The following TBL1Y variants were observed in gnomAD, a reference collection of about 807,000 sequenced individuals.
TBL1Y encodes F-box-like/WD repeat-containing protein TBL1Y.
TBL1Y carries 15 observed loss-of-function variants against 12.0 expected under a neutral mutation model. That is an observed-to-expected ratio of 1.25 (90% CI 0.83 to 1.92). The LOEUF is 1.92. TBL1Y is among the 40% of genes most tolerant of loss of function. The probability of loss-of-function intolerance (pLI) is 0.00; values close to 1 mark genes in which losing one functional copy is unlikely to be tolerated. For synonymous variants in TBL1Y, 53 were observed against 42.6 expected (o/e 1.24, Z -0.95); for missense variants, 148 against 116.7 (o/e 1.27, Z -1.24).
At chrY:7,004,248 G>A (rs902591177) in intron 4 of TBL1Y, among the ~76,000 whole-genome samples, 1 of 33,603 alleles carries the variant, frequency 3.0e-5, no homozygotes, top group African/African-American at 1.2e-4. Flanking sequence ...GACTGTACTG[G>A]GAAATACATC....
chrY:7,002,586 C>A, intron 4 of TBL1Y, among the ~76,000 whole-genome samples: 1 of 33,810 alleles, frequency 3.0e-5, no homozygotes, highest in Non-Finnish European at 7.3e-5. Context: ...AATTAAGGAA[C>A]CAGAGAGACC....
intron 2 of TBL1Y, among the ~76,000 whole-genome samples, chrY:6,923,751 T>A: frequency 3.1e-5 from 1 of 32,494 alleles, no homozygotes; most frequent in African/African-American, 1.2e-4. Flanking sequence ...TCTCCTGACC[T>A]AGTGATCCAC....
intron 13 of TBL1Y, among the ~76,000 whole-genome samples, chrY:7,074,846 T>C (rs1285899048): frequency 2.9e-4 from 9 of 30,721 alleles, no homozygotes; most frequent in Non-Finnish European, 7.0e-4. Context: ...TGGGACGGGA[T>C]GGGTTGGGAC....
chrY:7,037,704 G>C (rs2124159873), intron 6 of TBL1Y, among the ~76,000 whole-genome samples: 1 of 34,000 alleles, frequency 2.9e-5, no homozygotes, highest in African/African-American at 1.1e-4. Flanking sequence ...ACAATCACTG[G>C]GCCAAACTTG....
In TBL1Y at chrY:7,091,659, A is replaced by G; in HGVS notation, c.*167A>G. ...AACTTGTCCCAGGCCACAGGAGTGT[A>G]TATGTTTCATAATCTTTATCAAGAA... On this transcript the variant is annotated 3_prime_UTR_variant, in exon 19 of 19. Transcript: ENST00000383032. 1.0e-5 allele frequency: 1 copy of G among 96,911 alleles called. No homozygotes were observed. Among genetic ancestry groups the G allele is most frequent in the Non-Finnish European group, 1.9e-5 (1 of 52,728 alleles). 24.2% of individuals were successfully genotyped at this position (96,911 alleles called of 400,897 possible). A position where few individuals can be genotyped will look rare whatever the true frequency, so the allele number is the denominator to read the frequency against.
chrY:7,024,099 A>G (rs79179126), intron 5 of TBL1Y, among the ~76,000 whole-genome samples: 1 of 33,711 alleles, frequency 3.0e-5, no homozygotes, highest in African/African-American at 1.2e-4. Flanking sequence ...TTATGGCTGC[A>G]TAGTATTTCA....
chrY:7,086,255 G>A, intron 15 of TBL1Y, 35 bp from the exon 16 acceptor site: 7 of 387,787 alleles, frequency 1.8e-5, no homozygotes, highest in South Asian at 3.0e-5. Context: ...TGCAGGAATG[G>A]CTTTTGCTCA....
At chrY:6,945,394 C>G (rs1386404302) in intron 2 of TBL1Y, among the ~76,000 whole-genome samples, 3 of 30,917 alleles carry the variant, frequency 9.7e-5, no homozygotes, top group Non-Finnish European at 2.3e-4. Flanking sequence ...CTGCTCTTAC[C>G]TTTTCTTACT....
At chrY:7,064,772 G>C (rs946885126) in intron 8 of TBL1Y, among the ~76,000 whole-genome samples, 5 of 33,404 alleles carry the variant, frequency 1.5e-4, no homozygotes, top group Non-Finnish European at 1.5e-4. Context: ...TGGTGCACTA[G>C]TGGGTGGGAG....
chrY:6,914,167 C>T (rs1603024250), intron 2 of TBL1Y, among the ~76,000 whole-genome samples: 1 of 31,776 alleles, frequency 3.1e-5, no homozygotes, highest in East Asian at 8.4e-4. Flanking sequence ...GGACGCCAAG[C>T]GGGGAAGAAG....
At chrY:7,090,275 T>G in intron 18 of TBL1Y, 85 bp downstream of exon 18, 1 of 224,990 alleles carries the variant, frequency 4.4e-6, no homozygotes, top group South Asian at 4.0e-5. Flanking sequence ...CTAAGTGAAG[T>G]CAGGCAGCTG....
intron 2 of TBL1Y, among the ~76,000 whole-genome samples, chrY:6,922,055 G>A: frequency 3.0e-5 from 1 of 33,572 alleles, no homozygotes; most frequent in East Asian, 7.9e-4. Flanking sequence ...TGGGTTTGTG[G>A]TCTCGCTGAC....
chrY:6,912,829 C>CA (rs760556976), intron 2 of TBL1Y, among the ~76,000 whole-genome samples: 162 of 1,752 alleles, frequency 0.092, no homozygotes, highest in Non-Finnish European at 0.13. Context: ...GACTCTGTCT[C>CA]AAAAAAAAAA....
Position 7,064,967 on chromosome Y carries a change from G to C in TBL1Y, c.457+818G>C, listed in dbSNP as rs765240557. ...GATATTCTGGCTTTTTATTTATAAA[G>C]TCCATGATTGTGGGGCAGGAAAAGG... On this transcript the variant is annotated intron_variant, in intron 8 of 18. Coordinates refer to ENST00000383032, the MANE Select transcript of TBL1Y (RefSeq NM_033284.2). Among the ~76,000 whole-genome samples the C allele has an allele frequency of 3.3e-4, 11 of 33,701 alleles. No individual in the cohort carries two copies. The East Asian group carries it at 6.9e-3, about 21-fold the overall frequency. 90.4% of individuals were successfully genotyped at this position (33,701 alleles called of 37,273 possible).
intron 9 of TBL1Y, 53 bp downstream of exon 9, chrY:7,070,381 G>A: frequency 2.6e-6 from 1 of 377,430 alleles, no homozygotes; most frequent in South Asian, 3.2e-5. Context: ...CAAGCTGCTT[G>A]CCCTTCCCTG....
intron 7 of TBL1Y, among the ~76,000 whole-genome samples, chrY:7,044,458 G>C (rs2012747332): frequency 3.0e-5 from 1 of 33,066 alleles, no homozygotes; most frequent in Non-Finnish European, 7.4e-5. Flanking sequence ...TAACTTCTCT[G>C]TTTTCTACCT....
At chrY:6,955,427 A>G in intron 2 of TBL1Y, among the ~76,000 whole-genome samples, 1 of 34,159 alleles carries the variant, frequency 2.9e-5, no homozygotes, top group East Asian at 7.7e-4. Flanking sequence ...GGTTAAATTG[A>G]AAGTAATAAG....
At chrY:6,926,404 G>A (rs2011825511) in intron 2 of TBL1Y, among the ~76,000 whole-genome samples, 1 of 32,733 alleles carries the variant, frequency 3.1e-5, no homozygotes, top group African/African-American at 1.2e-4. Flanking sequence ...AGCTGCTCAG[G>A]TATGTGTGAG....
At chrY:6,972,307 G>C in intron 2 of TBL1Y, among the ~76,000 whole-genome samples, 1 of 33,038 alleles carries the variant, frequency 3.0e-5, no homozygotes, top group Admixed American at 2.8e-4. Context: ...CACTCACCCT[G>C]TCCTGACACT....
Sources: allele counts gnomAD v4.1 joint callset (sites outside exome capture counted in the v4.1 genomes callset), GRCh38; gene constraint gnomAD v4.1.1; transcripts MANE v1.5; gene names NCBI Gene and HGNC (gene_info 2026-07-23, HGNC 2026-07-21).